Variants in MASP2 observed in about 807,000 individuals in gnomAD.
The protein encoded by MASP2 is MBL associated serine protease 2.
Under a neutral mutation model 57.1 loss-of-function variants are expected in MASP2, and 49 were observed. The ratio of observed to expected loss-of-function variants is 0.86; its 90% CI spans 0.68 to 1.09. The LOEUF is 1.09. Among genes scored for constraint, MASP2 ranks in the 50% least tolerant of loss-of-function variants. The pLI is 0.00. For synonymous variants in MASP2, 379 were observed against 340.8 expected (o/e 1.11, Z -1.24); for missense variants, 900 against 874.8 (o/e 1.03, Z -0.36).
At chr1:11,041,038 G>A (rs1199559386) in intron 6 of MASP2, among the ~76,000 whole-genome samples, 1 of 149,508 alleles carries the variant, frequency 6.7e-6, no homozygotes, top group Non-Finnish European at 1.5e-5. Context: ...TATGTGGATG[G>A]GTAGATGAAT....
At chr1:11,028,469 C>T (rs537139616) in intron 10 of MASP2, among the ~76,000 whole-genome samples, 1 of 152,212 alleles carries the variant, frequency 6.6e-6, no homozygotes, top group Admixed American at 6.5e-5. Flanking sequence ...GGCTAGGACC[C>T]TGTGGATTCC....
chr1:11,042,227 G>A (rs567857793), intron 6 of MASP2, among the ~76,000 whole-genome samples: 100 of 151,430 alleles, frequency 6.6e-4, no homozygotes, highest in Admixed American at 4.1e-3. Context: ...TATGTAGAAG[G>A]ATGGGTGGAT....
intron 6 of MASP2, 67 bp from the exon 7 acceptor site, chr1:11,037,878 A>T: frequency 2.4e-6 from 2 of 850,896 alleles, no homozygotes; most frequent in Admixed American, 2.5e-5. Flanking sequence ...GAATCGAGCC[A>T]TCTGAAGTTC....
chr1:11,029,403 AAATAAT>A (rs1288092446), intron 10 of MASP2, among the ~76,000 whole-genome samples: 1 of 151,490 alleles, frequency 6.6e-6, no homozygotes, highest in East Asian at 2.0e-4. Flanking sequence ...CCGTCTCAAA[AAATAAT>A]AATAATAATT....
chr1:11,041,733 GGGT>G (rs1638452990), intron 6 of MASP2, among the ~76,000 whole-genome samples: 1 of 147,464 alleles, frequency 6.8e-6, no homozygotes, highest in Non-Finnish European at 1.5e-5. Flanking sequence ...ATGGATGGAT[GGGT>G]GAAGAATGGG....
intron 6 of MASP2, among the ~76,000 whole-genome samples, chr1:11,038,920 T>C (rs866122360): frequency 4.6e-5 from 7 of 152,226 alleles, no homozygotes; most frequent in Non-Finnish European, 1.5e-5. Flanking sequence ...CAACACTCCA[T>C]GGTCAGAACT....
rs181581725 is a variant in MASP2, at chr1:11,040,441, C to A, written c.889+2434G>T. ...TGAGATTGTGCCACTGCACTCCAGC[C>A]TGGCAACAGAGCAAGTCTTTGTCTA... On this transcript the variant is annotated intron_variant, in intron 6 of 10. Coordinates refer to ENST00000400897, the MANE Select transcript of MASP2 (RefSeq NM_006610.4). Among the ~76,000 whole-genome samples the A allele has an allele frequency of 2.8e-3, 401 of 145,468 alleles. 3 individuals carry two copies. Among genetic ancestry groups the A allele is most frequent in the Non-Finnish European group, 4.4e-3 (298 of 67,128 alleles).
Position 11,027,417 on chromosome 1 carries a change from G to A in MASP2, c.1529C>T (p.Thr510Ile). ...GTLKRLSPHYTQAWSEAVFIH... is the reference protein window; with the variant it reads ...GTLKRLSPHYIQAWSEAVFIH... Reference sequence around the variant, plus strand: ...AAAAACAGCTTCAGACCAGGCTTGTGTATAATGAGGTGATAGTCTTTTCAG... The same window carrying A: ...AAAAACAGCTTCAGACCAGGCTTGTATATAATGAGGTGATAGTCTTTTCAG... The change falls in exon 11 of 11, where the codon ACA becomes ATA. Residue 510 changes from threonine (T) to isoleucine (I), a missense_variant. By Grantham distance (89) the Thr-to-Ile change is moderately conservative. Transcript: ENST00000400897. 6.2e-7 allele frequency: 1 copy of A among 1,614,204 alleles called. No individual in the cohort carries two copies. Among genetic ancestry groups the A allele is most frequent in the Non-Finnish European group, 8.5e-7 (1 of 1,180,026 alleles).
Position 11,047,212 on chromosome 1 carries a change from T to C in MASP2, c.-5A>G, listed in dbSNP as rs1247352822. Reference sequence around the variant, plus strand: ...GTGGGCGCCCACCTACCTCATGGTGTGCCCGTCCAGCTGGCCTGGCCTGGT... The same window carrying C: ...GTGGGCGCCCACCTACCTCATGGTGCGCCCGTCCAGCTGGCCTGGCCTGGT... On this transcript the variant is annotated 5_prime_UTR_variant, in exon 1 of 11. Coordinates refer to ENST00000400897, the MANE Select transcript of MASP2 (RefSeq NM_006610.4). 1.3e-6 allele frequency: 2 copies of C among 1,562,386 alleles called. No individual in the cohort carries two copies. Among genetic ancestry groups the C allele is most frequent in the Non-Finnish European group, 1.7e-6 (2 of 1,156,454 alleles).
chr1:11,043,684 T>G (rs1570754944), intron 4 of MASP2, 149 bp from the exon 5 acceptor site: 458 of 538,040 alleles, frequency 8.5e-4, no homozygotes, highest in Middle Eastern at 1.1e-3. Flanking sequence ...GCCCTGCAGG[T>G]GGCCAGCCCC....
In MASP2 at chr1:11,027,595, C is replaced by G; in HGVS notation, c.1351G>C (p.Ala451Pro). Residue 451 changes from alanine (A) to proline (P), a missense_variant, in exon 11 of 11, where the codon GCA becomes CCA. Ala to Pro is a conservative substitution (Grantham distance 27). Transcript: ENST00000400897. ...TGCCAAGGAAAATCACCAGGTTTTG[C>G]CTTTTGCCCTCCATATATACGCCCT... ...TGGRIYGGQK[A>P]KPGDFPWQVL... The G allele has an allele frequency of 6.2e-7, 1 of 1,614,134 alleles. No individual in the cohort carries two copies. The highest frequency in any genetic ancestry group is 8.5e-7 in the Non-Finnish European group (1 of 1,180,018).
In MASP2 at chr1:11,045,478, G is replaced by T. The variant is rs760279922; in HGVS notation, c.474C>A (p.Asn158Lys). ...EAPTCDHHCHNHLGGFYCSCR... is the reference protein window; with the variant it reads ...EAPTCDHHCHKHLGGFYCSCR... ...AGGAGCAGTAGAAACCGCCCAGGTGGTTGTGGCAGTGGTGGTCGCAGGTGG... is the reference window on the plus strand; with the variant it reads ...AGGAGCAGTAGAAACCGCCCAGGTGTTTGTGGCAGTGGTGGTCGCAGGTGG... The change falls in exon 4 of 11, where the codon AAC becomes AAA. Residue 158 changes from asparagine (N) to lysine (K), a missense_variant. Physicochemically the swap from Asn to Lys is moderately conservative, Grantham distance 94. Coordinates refer to ENST00000400897, the MANE Select transcript of MASP2 (RefSeq NM_006610.4). The T allele has an allele frequency of 2.5e-6, 4 of 1,612,946 alleles. No individual in the cohort carries two copies. The South Asian group carries it at 3.3e-5, about 13-fold the overall frequency.
At chr1:11,033,851 T>C (rs942242029) in intron 8 of MASP2, among the ~76,000 whole-genome samples, 1 of 150,500 alleles carries the variant, frequency 6.6e-6, no homozygotes, top group African/African-American at 2.5e-5. Context: ...GAGAATCTCT[T>C]GAACCCGGGA....
chr1:11,037,018 G>A (rs1343661142), intron 7 of MASP2, among the ~76,000 whole-genome samples: 3 of 152,020 alleles, frequency 2.0e-5, no homozygotes, highest in Non-Finnish European at 4.4e-5. Flanking sequence ...AGCTGCTGTC[G>A]TGTGTGACCA....
chr1:11,035,566 A>G (rs1643880831), intron 7 of MASP2, among the ~76,000 whole-genome samples: 1 of 150,574 alleles, frequency 6.6e-6, no homozygotes, highest in Non-Finnish European at 1.5e-5. Context: ...ATATCTCAAC[A>G]TTTCTGCATC....
rs72550866 is a variant in MASP2, at chr1:11,037,770, C to T, written c.931G>A (p.Val311Ile). The T allele has an allele frequency of 6.3e-5, 101 of 1,612,952 alleles. No homozygotes were observed. The highest frequency in any genetic ancestry group is 2.3e-4 in the Admixed American group (14 of 59,710). ...PYPMAPPNGH[V>I]SPVQAKYILK... ...ATGTATTTGGCTTGCACAGGTGAAA[C>T]GTGGCCATTAGGTGGCGCCATCGGA... The change falls in exon 7 of 11, where the codon GTT becomes ATT. Residue 311 changes from valine (V) to isoleucine (I), a missense_variant. Coordinates refer to ENST00000400897, the MANE Select transcript of MASP2 (RefSeq NM_006610.4).
At chr1:11,042,064 G>A (rs372785527) in intron 6 of MASP2, among the ~76,000 whole-genome samples, 24 of 34,896 alleles carry the variant, frequency 6.9e-4, no homozygotes, top group Admixed American at 9.8e-4. Context: ...ATGAGTGGAT[G>A]GGTGGATGGA....
chr1:11,041,725 G>T (rs1638452296), intron 6 of MASP2, among the ~76,000 whole-genome samples: 1 of 147,666 alleles, frequency 6.8e-6, no homozygotes, highest in Non-Finnish European at 1.5e-5. Flanking sequence ...ATGGATGGAT[G>T]GATGGATGGG....
At chr1:11,031,048 A>G (rs1643835291) in intron 8 of MASP2, among the ~76,000 whole-genome samples, 166 bp from the exon 9 acceptor site, 1 of 151,922 alleles carries the variant, frequency 6.6e-6, no homozygotes, top group South Asian at 2.1e-4. Flanking sequence ...ACGAAAGGTT[A>G]AAAAGCCGAG....
Sources: gnomAD v4.1 joint callset for allele counts (sites outside exome capture counted in the v4.1 genomes callset) on GRCh38, gnomAD v4.1.1 for gene constraint, MANE v1.5 for transcripts, NCBI Gene and HGNC (gene_info 2026-07-23, HGNC 2026-07-21) for gene names.